ATP8A1: variants seen among roughly 807,000 people sequenced by gnomAD.
ATP8A1 encodes phospholipid-transporting ATPase IA.
A neutral mutation model predicts 177.7 loss-of-function variants in ATP8A1; 90 were observed. The ratio of observed to expected loss-of-function variants is 0.51; its 90% CI spans 0.43 to 0.60. The LOEUF is 0.60. ATP8A1 is among the 20% of genes least tolerant of loss of function. The pLI, the probability that ATP8A1 is intolerant of heterozygous loss-of-function variation, is 0.00. For synonymous variants in ATP8A1, 493 were observed against 485.9 expected (o/e 1.01, Z -0.19); for missense variants, 1,072 against 1,392.8 (o/e 0.77, Z 3.67).
chr4:42,646,469 T>C (rs1339831755), intron 1 of ATP8A1, among the ~76,000 whole-genome samples: 1 of 152,226 alleles, frequency 6.6e-6, no homozygotes. Context: ...GAAGATTTGT[T>C]TTATACAACG....
At chr4:42,467,741 T>C (rs1279177008) in intron 25 of ATP8A1, among the ~76,000 whole-genome samples, 8 of 152,158 alleles carry the variant, frequency 5.3e-5, no homozygotes, top group African/African-American at 1.9e-4. Flanking sequence ...GAAGACATAA[T>C]GGATTTCCCT....
chr4:42,571,631 A>C (rs532809337), intron 14 of ATP8A1, among the ~76,000 whole-genome samples: 2 of 152,304 alleles, frequency 1.3e-5, no homozygotes, highest in Admixed American at 6.5e-5. Context: ...AGCTGAAATG[A>C]TACTTTAATA....
intron 35 of ATP8A1, 103 bp from the exon 36 acceptor site, chr4:42,414,821 C>T (rs1440203910): frequency 4.9e-6 from 4 of 823,160 alleles, no homozygotes; most frequent in East Asian, 4.9e-5. Flanking sequence ...CAAAAGATTG[C>T]TCGAGAAATC....
chr4:42,426,616 T>C, intron 33 of ATP8A1, among the ~76,000 whole-genome samples: 1 of 152,264 alleles, frequency 6.6e-6, no homozygotes. Flanking sequence ...TGCATAACAT[T>C]GATTATTAAC....
At chr4:42,513,975 T>C (rs1002063056) in intron 22 of ATP8A1, among the ~76,000 whole-genome samples, 2 of 152,206 alleles carry the variant, frequency 1.3e-5, no homozygotes, top group Admixed American at 1.3e-4. Flanking sequence ...GCTGGGCTCC[T>C]CTGTGTTCTG....
At chr4:42,417,684 G>A (rs1047499812) in intron 35 of ATP8A1, among the ~76,000 whole-genome samples, 2 of 152,220 alleles carry the variant, frequency 1.3e-5, no homozygotes, top group Admixed American at 6.5e-5. Flanking sequence ...GAAACTTGAA[G>A]AGGAATAAAT....
intron 14 of ATP8A1, among the ~76,000 whole-genome samples, chr4:42,573,586 C>A (rs575003528): frequency 1.3e-5 from 2 of 152,210 alleles, no homozygotes; most frequent in African/African-American, 4.8e-5. Context: ...AGCCACTCAA[C>A]TGCCTTTTTA....
At chr4:42,541,346 G>A (rs1306615439) in intron 20 of ATP8A1, among the ~76,000 whole-genome samples, 1 of 152,084 alleles carries the variant, frequency 6.6e-6, no homozygotes, top group Non-Finnish European at 1.5e-5. Context: ...TATTAGAATA[G>A]CCCAAATCCA....
chr4:42,475,702 A>G (rs1720989697), intron 25 of ATP8A1, among the ~76,000 whole-genome samples: 1 of 152,142 alleles, frequency 6.6e-6, no homozygotes, highest in Non-Finnish European at 1.5e-5. Flanking sequence ...TTTATTCTTC[A>G]TAACTCTATG....
At chr4:42,502,742 A>G (rs1333628307) in intron 24 of ATP8A1, among the ~76,000 whole-genome samples, 1 of 152,134 alleles carries the variant, frequency 6.6e-6, no homozygotes, top group East Asian at 1.9e-4. Context: ...AACATCCCTA[A>G]TTACCAAGGT....
At chr4:42,451,401 TCA>T (rs1490608310) in intron 30 of ATP8A1, among the ~76,000 whole-genome samples, 1 of 152,158 alleles carries the variant, frequency 6.6e-6, no homozygotes, top group Non-Finnish European at 1.5e-5. Context: ...AGCTTAAGAA[TCA>T]CAGGGATCTC....
rs1420491897 is a variant in ATP8A1 at position 42,600,505 on chromosome 4, A to G, written c.423T>C (p.Gly141=). The G allele has an allele frequency of 6.2e-7, 1 of 1,609,760 alleles. No homozygotes were observed. Among genetic ancestry groups the G allele is most frequent in the East Asian group, 2.2e-5 (1 of 44,566 alleles). The stretch of plus-strand genomic sequence containing the variant: ...TTTCCCAGTGGACAATTTCCCAAGC[A>G]CCATTTCTCAAAACTGGAAAGAGAA... ...NKKQTQVLRN[G]AWEIVHWEKV... The change falls in exon 6 of 37, where the codon GGT becomes GGC. Residue 141 remains glycine (G), a synonymous_variant. Coordinates refer to ENST00000381668, the MANE Select transcript of ATP8A1 (RefSeq NM_006095.2).
chr4:42,510,944 T>C (rs1247509985), intron 22 of ATP8A1, among the ~76,000 whole-genome samples: 1 of 152,198 alleles, frequency 6.6e-6, no homozygotes, highest in Admixed American at 6.5e-5. Flanking sequence ...CACAAGTAGG[T>C]TAACATGGAG....
In ATP8A1 at chr4:42,550,457, T is replaced by G. The variant is rs949894570; in HGVS notation, c.1602+741A>C. Among the ~76,000 whole-genome samples, 6 of 152,330 alleles carry G rather than the reference T, an allele frequency of 3.9e-5. No homozygotes were observed. In the South Asian group the frequency reaches 1.0e-3, roughly 26 times the overall value. On this transcript the variant is annotated intron_variant, in intron 18 of 36. Coordinates refer to ENST00000381668, the MANE Select transcript of ATP8A1 (RefSeq NM_006095.2). ...AACAGAAACTTCCATTTCTGCTATA[T>G]AACTATGAGCACAATTGCTGGCTCA...
chr4:42,541,218 T>C (rs1728354908), intron 20 of ATP8A1, among the ~76,000 whole-genome samples: 1 of 151,958 alleles, frequency 6.6e-6, no homozygotes, highest in Non-Finnish European at 1.5e-5. Flanking sequence ...GGGCAAAAGA[T>C]CTGAAGATAC....
intron 6 of ATP8A1, among the ~76,000 whole-genome samples, chr4:42,596,919 A>T (rs1734777402): frequency 6.6e-6 from 1 of 152,192 alleles, no homozygotes; most frequent in Non-Finnish European, 1.5e-5. Context: ...CAATGAAGCC[A>T]GCAGCTTACC....
chr4:42,620,818 C>A (rs1737394690), intron 4 of ATP8A1, among the ~76,000 whole-genome samples: 1 of 152,164 alleles, frequency 6.6e-6, no homozygotes, highest in South Asian at 2.1e-4. Context: ...TCATGCAGAG[C>A]CAAGAGCACT....
chr4:42,580,105 T>G, intron 10 of ATP8A1, 127 bp from the exon 11 acceptor site: 1 of 719,812 alleles, frequency 1.4e-6, no homozygotes, highest in Non-Finnish European at 2.2e-6. Context: ...ACGTGAAAAT[T>G]ATGTGAAACC....
Position 42,410,573 on chromosome 4 carries a change from T to C in ATP8A1, c.*2343A>G, listed in dbSNP as rs1478169176. The C allele has an allele frequency of 6.6e-6, 1 of 152,192 alleles. No homozygotes were observed. The highest frequency in any genetic ancestry group is 2.4e-5 in the African/African-American group (1 of 41,466). The allele number at this position is 152,192 out of a possible 1,614,324, so 9.4% of individuals were successfully genotyped here. ...ATTTTAAGTTTCACCAAGAAGGTCA[T>C]TCCCTGTCCCTCAAACCCCAAGTCT... On this transcript the variant is annotated 3_prime_UTR_variant, in exon 37 of 37. Coordinates refer to ENST00000381668, the MANE Select transcript of ATP8A1 (RefSeq NM_006095.2).
Sources: gnomAD v4.1 joint callset for allele counts (sites outside exome capture counted in the v4.1 genomes callset) on GRCh38, gnomAD v4.1.1 for gene constraint, MANE v1.5 for transcripts, NCBI Gene and HGNC (gene_info 2026-07-23, HGNC 2026-07-21) for gene names.